PLEKHH2: variants seen among roughly 807,000 people sequenced by gnomAD.
PLEKHH2 encodes pleckstrin homology domain-containing family H member 2.
Under a neutral mutation model 187.9 loss-of-function variants are expected in PLEKHH2, and 129 were observed. The ratio of observed to expected loss-of-function variants is 0.69; its 90% CI spans 0.59 to 0.79. The LOEUF (loss-of-function observed/expected upper bound fraction) is 0.79. PLEKHH2 is among the 30% of genes least tolerant of loss of function. PLEKHH2 has a pLI of 0.00. For synonymous variants in PLEKHH2, 686 were observed against 605.6 expected (o/e 1.13, Z -1.95); for missense variants, 2,076 against 1,751.2 (o/e 1.19, Z -3.31).
At chr2:43,733,265 A>G (rs1267490454) in intron 19 of PLEKHH2, among the ~76,000 whole-genome samples, 2 of 150,974 alleles carry the variant, frequency 1.3e-5, no homozygotes, top group African/African-American at 4.9e-5. Context: ...TGGGAGGCTG[A>G]GGCAGGAGAA....
At chr2:43,651,464 A>T (rs1192028949) in intron 2 of PLEKHH2, among the ~76,000 whole-genome samples, 1 of 152,140 alleles carries the variant, frequency 6.6e-6, no homozygotes, top group African/African-American at 2.4e-5. Context: ...CATTTTTCCT[A>T]TTATGAATGT....
At chr2:43,672,047 G>A (rs936954112) in intron 2 of PLEKHH2, among the ~76,000 whole-genome samples, 3 of 152,122 alleles carry the variant, frequency 2.0e-5, no homozygotes, top group Admixed American at 2.0e-4. Flanking sequence ...ATCTAGTCCT[G>A]GAGTTTCCTT....
chr2:43,707,537 T>C lies in PLEKHH2; in HGVS notation c.1958T>C (p.Met653Thr). ...SRSGPGSPRA[M>T]KRGVSLSSVA... ...AGTGGGCCAGGCAGCCCCAGAGCCATGAAACGAGGTGAGGGAAAATCGCAG... is the reference window on the plus strand; with the variant it reads ...AGTGGGCCAGGCAGCCCCAGAGCCACGAAACGAGGTGAGGGAAAATCGCAG... Residue 653 changes from methionine (M) to threonine (T), a missense_variant, in exon 11 of 30, where the codon ATG becomes ACG. By Grantham distance (81) the Met-to-Thr change is moderately conservative. Transcript: ENST00000282406. The C allele has an allele frequency of 6.2e-7, 1 of 1,613,778 alleles. No homozygotes were observed. Among genetic ancestry groups the C allele is most frequent in the East Asian group, 2.2e-5 (1 of 44,874 alleles).
chr2:43,743,086 A>G (rs922548730), intron 22 of PLEKHH2, among the ~76,000 whole-genome samples, 168 bp downstream of exon 22: 2 of 152,216 alleles, frequency 1.3e-5, no homozygotes, highest in African/African-American at 4.8e-5. Context: ...TTTTGCTATA[A>G]AGGATTCACA....
chr2:43,748,390 G>C (rs113975525), intron 24 of PLEKHH2, among the ~76,000 whole-genome samples: 17 of 152,184 alleles, frequency 1.1e-4, no homozygotes, highest in African/African-American at 4.1e-4. Flanking sequence ...GTGGCCCTTT[G>C]GTGACTGGGA....
chr2:43,713,259 A>G (rs1270824170), intron 15 of PLEKHH2, among the ~76,000 whole-genome samples: 1 of 152,194 alleles, frequency 6.6e-6, no homozygotes, highest in African/African-American at 2.4e-5. Context: ...GGTATGATTA[A>G]TATATCTGAA....
chr2:43,685,856 T>C (rs1258797493), intron 3 of PLEKHH2, among the ~76,000 whole-genome samples: 5 of 152,222 alleles, frequency 3.3e-5, no homozygotes, highest in African/African-American at 7.2e-5. Context: ...AAGAGCATAT[T>C]TGGAAAATAC....
At chr2:43,719,479 G>A (rs1219668381) in intron 15 of PLEKHH2, among the ~76,000 whole-genome samples, 1 of 151,960 alleles carries the variant, frequency 6.6e-6, no homozygotes, top group Non-Finnish European at 1.5e-5. Flanking sequence ...CTGCTCTGTC[G>A]CCCAGGCTGG....
chr2:43,637,501 C>G (rs946097331), intron 1 of PLEKHH2, 122 bp downstream of exon 1: 1 of 152,464 alleles, frequency 6.6e-6, no homozygotes, highest in African/African-American at 2.4e-5. Flanking sequence ...CCGGGAGGAG[C>G]GGGAAGGCGG....
At chr2:43,754,165 TACACACACACACAC>T (rs373399236) in intron 25 of PLEKHH2, among the ~76,000 whole-genome samples, 9 of 118,016 alleles carry the variant, frequency 7.6e-5, no homozygotes, top group East Asian at 2.1e-4. Context: ...TTCAATCTTC[TACACACACACACAC>T]ACACACACAC....
chr2:43,748,504 A>G (rs889415722), intron 24 of PLEKHH2, among the ~76,000 whole-genome samples: 4 of 152,230 alleles, frequency 2.6e-5, no homozygotes, highest in African/African-American at 9.6e-5. Flanking sequence ...CAGCCTCAGG[A>G]CCACGTGGAA....
At chr2:43,712,075 A>T in intron 14 of PLEKHH2, 150 bp from the exon 15 acceptor site, 1 of 1,300,494 alleles carries the variant, frequency 7.7e-7, no homozygotes, top group South Asian at 1.5e-5. Context: ...ATTCTAACTG[A>T]TATGGAGTCA....
At chr2:43,674,757 T>TGG (rs1667651061) in intron 2 of PLEKHH2, among the ~76,000 whole-genome samples, 2 of 151,672 alleles carry the variant, frequency 1.3e-5, no homozygotes, top group East Asian at 1.9e-4. Context: ...GGCTGAGGCA[T>TGG]GTGGATCACC....
In PLEKHH2 at chr2:43,741,021, C is replaced by G. The variant is rs768198309; in HGVS notation, c.3199C>G (p.Leu1067Val). The G allele has an allele frequency of 1.8e-5, 29 of 1,613,466 alleles. No homozygotes were observed. The highest frequency in any genetic ancestry group is 4.5e-5 in the East Asian group (2 of 44,870). ...TTTCCTGTGGCTCCTCAGGCTTCAC[C>G]TAAAGAGGAATGCAGATTCCAGGTG... ...HPFLWLLRLH[L>V]KRNADSRTEF... The change falls in exon 21 of 30, where the codon CTA becomes GTA. Residue 1067 changes from leucine to valine, a missense_variant. Leu to Val is a conservative substitution (Grantham distance 32, BLOSUM62 1). Transcript: ENST00000282406.
At chr2:43,723,621 C>T (rs1670595522) in intron 16 of PLEKHH2, among the ~76,000 whole-genome samples, 1 of 152,170 alleles carries the variant, frequency 6.6e-6, no homozygotes, top group African/African-American at 2.4e-5. Flanking sequence ...AGGTTCCCTC[C>T]TGCCTTTGGG....
chr2:43,669,477 C>G (rs977183155), intron 2 of PLEKHH2, among the ~76,000 whole-genome samples: 1 of 151,772 alleles, frequency 6.6e-6, no homozygotes, highest in Non-Finnish European at 1.5e-5. Flanking sequence ...TATATCTCGA[C>G]TTTAAATAGT....
At position 43,687,820 on chromosome 2, in the gene PLEKHH2, A is replaced by C. The variant is rs140942476; in HGVS notation, c.187-4694A>C. Among the ~76,000 whole-genome samples the C allele has an allele frequency of 4.4e-3, 668 of 151,776 alleles. 5 individuals are homozygous for C. The highest frequency in any genetic ancestry group is 0.015 in the African/African-American group (618 of 41,368). ...TATTTAATTATTTTTTTTTCAAGAC[A>C]GGGTCTTCCTCTGTTGCCCAGGCTG... On this transcript the variant is annotated intron_variant, in intron 3 of 29. Transcript: ENST00000282406.
intron 3 of PLEKHH2, among the ~76,000 whole-genome samples, chr2:43,682,900 T>C (rs1239983174): frequency 2.0e-5 from 3 of 152,068 alleles, no homozygotes; most frequent in African/African-American, 7.2e-5. Flanking sequence ...GCATGTGTCA[T>C]GCTTTATTCC....
In PLEKHH2 at chr2:43,692,562, G is replaced by A. The variant is rs190385263; in HGVS notation, c.235G>A (p.Glu79Lys). The A allele has an allele frequency of 3.3e-5, 52 of 1,595,464 alleles. No homozygotes were observed. The highest frequency in any genetic ancestry group is 2.6e-6 in the Non-Finnish European group (3 of 1,164,510). ...AAAAGCAGCTAATATTCAAACCAGTGAATCAGAGACAAGATTATATAATAA... is the reference window on the plus strand; with the variant it reads ...AAAAGCAGCTAATATTCAAACCAGTAAATCAGAGACAAGATTATATAATAA... ...KLKAANIQTS[E>K]SETRLYNKCQ... The change falls in exon 4 of 30, where the codon GAA becomes AAA. Residue 79 changes from glutamate to lysine, a missense_variant. Transcript: ENST00000282406.
Sources: gnomAD v4.1 joint callset for allele counts (sites outside exome capture counted in the v4.1 genomes callset) on GRCh38, gnomAD v4.1.1 for gene constraint, MANE v1.5 for transcripts, NCBI Gene and HGNC (gene_info 2026-07-23, HGNC 2026-07-21) for gene names.